The following EDNRA variants were observed in gnomAD, a reference collection of about 807,000 sequenced individuals.
EDNRA encodes the protein endothelin receptor type A.
Under a neutral mutation model 41.4 loss-of-function variants are expected in EDNRA, and 11 were observed. The observed-to-expected ratio is 0.27, with a 90% CI of 0.17 to 0.44. The LOEUF is 0.44. Ranked by LOEUF, EDNRA falls within the 20% of genes least tolerant of loss-of-function variation. EDNRA has a pLI of 1.00. For synonymous variants in EDNRA, 172 were observed against 183.0 expected, an observed-to-expected ratio of 0.94 and a Z score of 0.49; for missense variants, 294 against 531.0, an observed-to-expected ratio of 0.55 and a Z score of 4.39.
chr4:147,489,195 G>A (rs1473936683), intron 2 of EDNRA: 2 of 152,134 alleles, frequency 1.3e-5, no homozygotes, highest in Admixed American at 6.5e-5. Flanking sequence ...TGGGGTGCAA[G>A]TGTAGTTTTG....
intron 2 of EDNRA, chr4:147,506,486 A>G (rs1578790640): frequency 2.9e-6 from 1 of 349,172 alleles, no homozygotes; most frequent in Non-Finnish European, 5.7e-6. Flanking sequence ...CCAGTTTTGA[A>G]CCTGTTGCTA....
chr4:147,525,045 A>AT (rs1357639845), intron 3 of EDNRA, among the ~76,000 whole-genome samples: 2 of 152,200 alleles, frequency 1.3e-5, no homozygotes, highest in African/African-American at 2.4e-5. Flanking sequence ...AGTTCCCATG[A>AT]TTTTTTTACA....
intron 2 of EDNRA, among the ~76,000 whole-genome samples, chr4:147,518,318 A>G (rs1203938262): frequency 1.3e-5 from 2 of 152,202 alleles, no homozygotes; most frequent in African/African-American, 4.8e-5. Context: ...AACCATAAGA[A>G]ATGAAGGCAG....
At chr4:147,507,083 T>C (rs1729743089) in intron 2 of EDNRA, among the ~76,000 whole-genome samples, 1 of 152,084 alleles carries the variant, frequency 6.6e-6, no homozygotes, top group Admixed American at 6.6e-5. Context: ...AAATGAGGAC[T>C]CTCTGCCCTT....
At position 147,527,006 on chromosome 4, in the gene EDNRA, G is replaced by C. The variant is rs147575620; in HGVS notation, c.549-5500G>C. Among the ~76,000 whole-genome samples the C allele has an allele frequency of 4.2e-3, 641 of 152,332 alleles. 5 individuals are homozygous for C. The highest frequency in any genetic ancestry group is 0.015 in the African/African-American group (614 of 41,568). On this transcript the variant is annotated intron_variant, in intron 3 of 7. Transcript: ENST00000651419. ...TTCCAAACCTCCATATGGTATGAGA[G>C]ATATAAATCATTAACAACCATTACA...
chr4:147,496,714 T>G (rs1199545966), intron 2 of EDNRA, among the ~76,000 whole-genome samples: 2 of 152,238 alleles, frequency 1.3e-5, no homozygotes, highest in Admixed American at 1.3e-4. Flanking sequence ...CTGGCTTGTC[T>G]TACTCAACAT....
intron 2 of EDNRA, among the ~76,000 whole-genome samples, chr4:147,507,389 C>T (rs1436448911): frequency 4.6e-5 from 7 of 152,190 alleles, no homozygotes; most frequent in African/African-American, 1.7e-4. Context: ...ACACAACCAT[C>T]TGGGTGAATC....
intron 1 of EDNRA, among the ~76,000 whole-genome samples, chr4:147,481,586 G>C (rs1036644721): frequency 2.0e-4 from 30 of 152,262 alleles, no homozygotes; most frequent in Admixed American, 2.0e-4. Flanking sequence ...TGAGGGGTGC[G>C]CTGCGGACAC....
At chr4:147,511,378 C>T (rs962780443) in intron 2 of EDNRA, among the ~76,000 whole-genome samples, 2 of 152,140 alleles carry the variant, frequency 1.3e-5, no homozygotes, top group Non-Finnish European at 2.9e-5. Context: ...TATTTACTAT[C>T]AAGTCAGTGA....
intron 2 of EDNRA, among the ~76,000 whole-genome samples, chr4:147,504,716 G>A (rs1481416788): frequency 6.6e-6 from 1 of 152,032 alleles, no homozygotes; most frequent in Non-Finnish European, 1.5e-5. Flanking sequence ...CACTTTGGGA[G>A]GCCAAGGCAG....
intron 2 of EDNRA, chr4:147,495,715 T>C (rs1177843180): frequency 6.6e-6 from 1 of 152,268 alleles, no homozygotes. Context: ...AATTTGTCTG[T>C]GGACAGGATA....
intron 3 of EDNRA, among the ~76,000 whole-genome samples, chr4:147,524,148 T>A (rs1489596285): frequency 7.9e-5 from 12 of 151,780 alleles, no homozygotes; most frequent in African/African-American, 2.9e-4. Flanking sequence ...GATTAAACAT[T>A]CATAAAACTT....
chr4:147,516,177 G>A (rs1396174312), intron 2 of EDNRA, among the ~76,000 whole-genome samples: 1 of 152,196 alleles, frequency 6.6e-6, no homozygotes, highest in Non-Finnish European at 1.5e-5. Context: ...AGAACATGAT[G>A]TACATTTAGA....
intron 3 of EDNRA, among the ~76,000 whole-genome samples, 181 bp from the exon 4 acceptor site, chr4:147,532,325 C>CAAAAAAAAAAAAAAAAAAAAA (rs59851236): frequency 6.6e-5 from 4 of 60,390 alleles, no homozygotes; most frequent in African/African-American, 2.5e-4. Flanking sequence ...GATTTTGCCT[C>CAAAAAAAAAAAAAAAAAAAAA]AAAAAAAAAA....
In EDNRA at chr4:147,542,784, C is replaced by G; in HGVS notation, c.*166C>G. ...CCGCAAGGGTAGACTGGTTTATCCA[C>G]CCACAACATCTACGAATCGTACTTC... On this transcript the variant is annotated 3_prime_UTR_variant, in exon 8 of 8. Coordinates refer to ENST00000651419, the MANE Select transcript of EDNRA (RefSeq NM_001957.4). 1 of 738,778 alleles carries G rather than the reference C, an allele frequency of 1.4e-6. No individual in the cohort carries two copies. Among genetic ancestry groups the G allele is most frequent in the Non-Finnish European group, 2.1e-6 (1 of 474,842 alleles). The allele number at this position is 738,778 out of a possible 1,614,324, so 45.8% of individuals were successfully genotyped here.
chr4:147,529,444 G>A (rs1049645530), intron 3 of EDNRA, among the ~76,000 whole-genome samples: 4 of 152,202 alleles, frequency 2.6e-5, no homozygotes, highest in East Asian at 1.9e-4. Context: ...CAGAAAAAAC[G>A]TCTGAGCACT....
chr4:147,504,957 CAAA>C (rs57911108), intron 2 of EDNRA, among the ~76,000 whole-genome samples: 8 of 39,030 alleles, frequency 2.0e-4, no homozygotes, highest in Admixed American at 3.2e-4. Flanking sequence ...GACCCTGTCT[CAAA>C]AAAAAAAAAA....
intron 3 of EDNRA, among the ~76,000 whole-genome samples, chr4:147,521,395 T>C (rs1460868718): frequency 1.3e-5 from 2 of 152,088 alleles, no homozygotes; most frequent in Non-Finnish European, 2.9e-5. Context: ...AAGTCTAGGG[T>C]CTCTTTGGGT....
In EDNRA at chr4:147,519,869, C is replaced by G; in HGVS notation, c.439C>G (p.Pro147Ala). 6.2e-7 allele frequency: 1 copy of G among 1,613,536 alleles called. No homozygotes were observed. The highest frequency in any genetic ancestry group is 8.5e-7 in the Non-Finnish European group (1 of 1,179,688). Residue 147 changes from proline (P) to alanine (A), a missense_variant, in exon 3 of 8, where the codon CCT becomes GCT. Physicochemically the swap from Pro to Ala is conservative, Grantham distance 27. Around this residue, in one of 3 missense-constraint regions of EDNRA, gnomAD observed 185 missense variants for 390.8 expected, o/e 0.47. Coordinates refer to ENST00000651419, the MANE Select transcript of EDNRA (RefSeq NM_001957.4). The surrounding 1 kb of genome is among the most constrained non-coding windows in gnomAD (Gnocchi z 4.1). ...NVFKLLAGRW[P>A]FDHNDFGVFL... is the part of the protein sequence containing the mutation. ...CTTTCAGCTGCTGGCTGGGCGCTGG[C>G]CTTTTGATCACAATGACTTTGGCGT...
Sources: allele counts gnomAD v4.1 joint callset (sites outside exome capture counted in the v4.1 genomes callset), GRCh38; gene constraint gnomAD v4.1.1; regional missense constraint gnomAD v4.1.1; non-coding constraint Gnocchi (gnomAD v3.1); transcripts MANE v1.5; gene names NCBI Gene and HGNC (gene_info 2026-07-23, HGNC 2026-07-21).